DAB1: variants seen among roughly 807,000 people sequenced by gnomAD.
The protein encoded by DAB1 is DAB adaptor protein 1.
A neutral mutation model predicts 64.6 loss-of-function variants in DAB1; 15 were observed. That is an observed-to-expected ratio of 0.23 (90% confidence interval 0.16 to 0.36). The LOEUF (loss-of-function observed/expected upper bound fraction) is 0.36, where lower values mean the gene tolerates loss of function less well. Ranked by LOEUF, DAB1 falls within the 10% of genes least tolerant of loss-of-function variation. DAB1 has a pLI of 1.00. For synonymous variants in DAB1, 235 were observed against 251.9 expected (o/e 0.93, Z 0.64); for missense variants, 596 against 706.7 (o/e 0.84, Z 1.78).
At chr1:57,184,292 T>C (rs1663298981) in intron 2 of DAB1, among the ~76,000 whole-genome samples, 2 of 152,176 alleles carry the variant, frequency 1.3e-5, no homozygotes, top group Non-Finnish European at 2.9e-5. Flanking sequence ...AAGTGTATAA[T>C]ACATTTAGGA....
chr1:57,465,168 C>A (rs1245987915), intron 7 of DAB1, among the ~76,000 whole-genome samples: 1 of 152,042 alleles, frequency 6.6e-6, no homozygotes, highest in Non-Finnish European at 1.5e-5. Flanking sequence ...GTTTTACAAG[C>A]AGATTAAATA....
At chr1:58,269,328 T>C (rs934585847) in intron 4 of DAB1, among the ~76,000 whole-genome samples, 29 of 151,536 alleles carry the variant, frequency 1.9e-4, no homozygotes, top group Non-Finnish European at 8.8e-5. Context: ...TCCATGTCCC[T>C]ACAAAGGACA....
intron 5 of DAB1, among the ~76,000 whole-genome samples, chr1:57,889,535 A>G (rs947773662): frequency 6.6e-6 from 1 of 152,228 alleles, no homozygotes; most frequent in African/African-American, 2.4e-5. Flanking sequence ...TATGAACAAG[A>G]CAACAGTGTA....
At chr1:58,158,069 A>T (rs1224407922) in intron 4 of DAB1, among the ~76,000 whole-genome samples, 1 of 151,980 alleles carries the variant, frequency 6.6e-6, no homozygotes, top group Non-Finnish European at 1.5e-5. Flanking sequence ...TGTCCTAGTG[A>T]CTCTAATGCC....
chr1:58,315,579 T>C (rs1250445897), intron 4 of DAB1, among the ~76,000 whole-genome samples: 1 of 152,220 alleles, frequency 6.6e-6, no homozygotes, highest in African/African-American at 2.4e-5. Context: ...GTAGTGTTCA[T>C]GGTTCTATCT....
chr1:57,565,487 TAA>T (rs1645107128), intron 7 of DAB1, among the ~76,000 whole-genome samples: 1 of 152,050 alleles, frequency 6.6e-6, no homozygotes, highest in Admixed American at 6.6e-5. Context: ...GCAAATTGGA[TAA>T]AGAGTCAAGA....
chr1:57,623,665 T>C (rs1645888513), intron 7 of DAB1, among the ~76,000 whole-genome samples: 1 of 152,158 alleles, frequency 6.6e-6, no homozygotes, highest in African/African-American at 2.4e-5. Context: ...AAACAAGGCC[T>C]GCAGACAGGC....
At chr1:57,615,968 A>G (rs1410012514) in intron 7 of DAB1, among the ~76,000 whole-genome samples, 1 of 152,176 alleles carries the variant, frequency 6.6e-6, no homozygotes, top group African/African-American at 2.4e-5. Flanking sequence ...ATACCCACAG[A>G]TGGTCTTACT....
chr1:57,730,224 A>C (rs1647351168), intron 6 of DAB1, among the ~76,000 whole-genome samples: 1 of 152,192 alleles, frequency 6.6e-6, no homozygotes, highest in Non-Finnish European at 1.5e-5. Flanking sequence ...TAACTCACTT[A>C]ATCTTGTACA....
chr1:57,933,659 T>C (rs1202770), intron 5 of DAB1, among the ~76,000 whole-genome samples: 25,844 of 152,104 alleles, frequency 0.17, 3,436 homozygotes, highest in African/African-American at 0.37. Context: ...TTTCTAGCTT[T>C]TGCTGGAATA....
chr1:57,996,763 A>C (rs1487950227), intron 5 of DAB1, among the ~76,000 whole-genome samples: 1 of 152,208 alleles, frequency 6.6e-6, no homozygotes, highest in Non-Finnish European at 1.5e-5. Flanking sequence ...AATTATTTTT[A>C]TAAGTCTCTC....
At chr1:57,774,061 A>G (rs896636585) in intron 6 of DAB1, among the ~76,000 whole-genome samples, 2 of 151,864 alleles carry the variant, frequency 1.3e-5, no homozygotes, top group African/African-American at 4.8e-5. Flanking sequence ...TTTGATTGAG[A>G]TCTCCTTGAA....
At chr1:58,032,911 C>A (rs1443084434) in intron 5 of DAB1, among the ~76,000 whole-genome samples, 1 of 152,224 alleles carries the variant, frequency 6.6e-6, no homozygotes, top group Admixed American at 6.5e-5. Context: ...CCCTCAGCTC[C>A]CTCTTCCTGA....
intron 4 of DAB1, among the ~76,000 whole-genome samples, chr1:58,226,706 T>G (rs1265219319): frequency 6.6e-6 from 1 of 152,242 alleles, no homozygotes. Flanking sequence ...TGTAGTCTTT[T>G]GTATAATCCT....
At chr1:58,359,844 T>G (rs12563799) in intron 3 of DAB1, among the ~76,000 whole-genome samples, 10,514 of 152,250 alleles carry the variant, frequency 0.069, 582 homozygotes, top group East Asian at 0.18. Flanking sequence ...GCACTGAAAG[T>G]GTACAAGTTT....
chr1:57,580,125 A>G (rs976622987), intron 7 of DAB1, among the ~76,000 whole-genome samples: 4 of 144,430 alleles, frequency 2.8e-5, no homozygotes, highest in African/African-American at 5.0e-5. Flanking sequence ...TGGGGTGGTT[A>G]GGGTGGGTGG....
chr1:58,510,137 G>C (rs1646051061), intron 2 of DAB1, among the ~76,000 whole-genome samples: 1 of 135,934 alleles, frequency 7.4e-6, no homozygotes, highest in South Asian at 2.2e-4. Flanking sequence ...CTCATTTTAT[G>C]AGGCCAGCCA....
At chr1:57,092,374 G>C (rs1486676422) in intron 4 of DAB1, among the ~76,000 whole-genome samples, 1 of 152,022 alleles carries the variant, frequency 6.6e-6, no homozygotes, top group Admixed American at 6.6e-5. Flanking sequence ...GTTGAGGGAG[G>C]GACCTGGTAG....
At chr1:58,447,784 T>C (rs1433452850) in intron 3 of DAB1, among the ~76,000 whole-genome samples, 1 of 151,476 alleles carries the variant, frequency 6.6e-6, no homozygotes, top group Non-Finnish European at 1.5e-5. Context: ...CATGGTAAGA[T>C]AGGTATTCTA....
Sources: allele counts gnomAD v4.1 joint callset (sites outside exome capture counted in the v4.1 genomes callset), GRCh38; gene constraint gnomAD v4.1.1; transcripts MANE v1.5; gene names NCBI Gene and HGNC (gene_info 2026-07-23, HGNC 2026-07-21).